The following TMEM135 variants were observed in gnomAD, a reference collection of about 807,000 sequenced individuals.
TMEM135 encodes peroxisomal membrane protein 52.
In TMEM135, 30 loss-of-function variants were observed where a neutral mutation model predicts 60.3. The observed-to-expected ratio is 0.50, with a 90% CI of 0.37 to 0.68. TMEM135 has a LOEUF of 0.68. TMEM135 is among the 30% of genes least tolerant of loss of function. The pLI is 0.00. For synonymous variants in TMEM135, 190 were observed against 186.7 expected, an observed-to-expected ratio of 1.02 and a Z score of -0.14; for missense variants, 468 against 548.8, an observed-to-expected ratio of 0.85 and a Z score of 1.47.
intron 4 of TMEM135, among the ~76,000 whole-genome samples, chr11:87,110,060 T>G (rs890390929): frequency 6.6e-6 from 1 of 152,142 alleles, no homozygotes; most frequent in Non-Finnish European, 1.5e-5. Context: ...TTGAGAGAAC[T>G]TGGTTGAAAT....
At chr11:87,288,604 AT>A (rs886920537) in intron 6 of TMEM135, among the ~76,000 whole-genome samples, 7 of 152,190 alleles carry the variant, frequency 4.6e-5, no homozygotes, top group African/African-American at 1.2e-4. Flanking sequence ...AACTAAAATG[AT>A]GAAATTTCAG....
chr11:87,196,276 CTTAAATATTTGA>C (rs1939954109), intron 5 of TMEM135, among the ~76,000 whole-genome samples: 1 of 152,002 alleles, frequency 6.6e-6, no homozygotes, highest in Non-Finnish European at 1.5e-5. Flanking sequence ...AAATTCTGAA[CTTAAATATTTGA>C]TTAAATATTG....
In TMEM135 at chr11:87,321,381, T is replaced by C. The variant is rs781664142; in HGVS notation, c.*48T>C. On this transcript the variant is annotated 3_prime_UTR_variant, in exon 15 of 15. Coordinates refer to ENST00000305494, the MANE Select transcript of TMEM135 (RefSeq NM_022918.4). ...TGACTAAATGTTTCATCTTGAAGAGTTAATTATGTTGAACACAAAGGAGGG... is the reference window on the plus strand; with the variant it reads ...TGACTAAATGTTTCATCTTGAAGAGCTAATTATGTTGAACACAAAGGAGGG... 3 of 1,606,932 alleles carry C rather than the reference T, an allele frequency of 1.9e-6. No individual in the cohort carries two copies. The highest frequency in any genetic ancestry group is 2.2e-5 in the South Asian group (2 of 90,944).
intron 4 of TMEM135, among the ~76,000 whole-genome samples, chr11:87,133,988 A>T (rs1214186817): frequency 1.3e-5 from 2 of 150,878 alleles, no homozygotes; most frequent in Non-Finnish European, 2.9e-5. Context: ...CAGAATTCAC[A>T]TACAAGTCAT....
intron 6 of TMEM135, among the ~76,000 whole-genome samples, chr11:87,283,529 T>C (rs1942107224): frequency 6.6e-6 from 1 of 152,198 alleles, no homozygotes; most frequent in Non-Finnish European, 1.5e-5. Context: ...ATTGCTATAT[T>C]ATTTTACTGA....
chr11:87,118,407 A>C (rs1173393061), intron 4 of TMEM135, among the ~76,000 whole-genome samples: 1 of 151,444 alleles, frequency 6.6e-6, no homozygotes, highest in Non-Finnish European at 1.5e-5. Context: ...AGCCACCTTC[A>C]TCAACAATCT....
chr11:87,169,699 G>T (rs1487573270), intron 5 of TMEM135, among the ~76,000 whole-genome samples: 1 of 152,066 alleles, frequency 6.6e-6, no homozygotes, highest in Non-Finnish European at 1.5e-5. Context: ...TCCCGTTGTG[G>T]GTAACCTGAC....
chr11:87,247,642 C>A (rs536202664), intron 6 of TMEM135, among the ~76,000 whole-genome samples: 3 of 152,172 alleles, frequency 2.0e-5, no homozygotes, highest in Admixed American at 6.5e-5. Context: ...ACTCCGTGGG[C>A]GTAGGACCCT....
At chr11:87,046,737 G>C (rs138802879) in intron 1 of TMEM135, among the ~76,000 whole-genome samples, 9 of 152,318 alleles carry the variant, frequency 5.9e-5, no homozygotes, top group Non-Finnish European at 7.3e-5. Context: ...AGTTTAGAAA[G>C]AGAAGACAAC....
intron 14 of TMEM135, among the ~76,000 whole-genome samples, chr11:87,320,517 T>C (rs1468140697): frequency 6.6e-6 from 1 of 152,178 alleles, no homozygotes; most frequent in Non-Finnish European, 1.5e-5. Context: ...TCAAAACTAA[T>C]TTCATTCAGC....
chr11:87,196,251 T>C (rs974692552), intron 5 of TMEM135, among the ~76,000 whole-genome samples: 1 of 152,208 alleles, frequency 6.6e-6, no homozygotes, highest in East Asian at 1.9e-4. Context: ...TCCTTTGCAA[T>C]GGTGAAATGT....
intron 6 of TMEM135, among the ~76,000 whole-genome samples, chr11:87,272,120 A>G (rs1371370216): frequency 1.5e-5 from 2 of 137,032 alleles, no homozygotes; most frequent in African/African-American, 5.6e-5. Flanking sequence ...GAGGTGAGAT[A>G]TCTGCTCACT....
chr11:87,238,914 T>C (rs544557682), intron 6 of TMEM135, among the ~76,000 whole-genome samples: 2 of 152,164 alleles, frequency 1.3e-5, no homozygotes, highest in African/African-American at 4.8e-5. Flanking sequence ...ATCTTTCCCA[T>C]TGTGGCACTT....
At chr11:87,155,447 A>AT (rs1229214500) in intron 4 of TMEM135, among the ~76,000 whole-genome samples, 4 of 152,078 alleles carry the variant, frequency 2.6e-5, no homozygotes, top group Non-Finnish European at 5.9e-5. Context: ...TTTTGAGTTG[A>AT]TTTTTGTATA....
intron 6 of TMEM135, among the ~76,000 whole-genome samples, chr11:87,282,879 A>G (rs1046565713): frequency 1.6e-4 from 25 of 152,136 alleles, no homozygotes; most frequent in African/African-American, 5.3e-4. Flanking sequence ...ATACCATTCT[A>G]TGGGCTAGCA....
At chr11:87,039,447 A>T (rs1328651020) in intron 1 of TMEM135, among the ~76,000 whole-genome samples, 1 of 152,174 alleles carries the variant, frequency 6.6e-6, no homozygotes, top group African/African-American at 2.4e-5. Context: ...AATAATAAAG[A>T]TCTAGAGTAG....
At chr11:87,078,791 T>TC (rs1442473420) in intron 3 of TMEM135, among the ~76,000 whole-genome samples, 1 of 100,254 alleles carries the variant, frequency 1.0e-5, no homozygotes, top group Non-Finnish European at 1.9e-5. Flanking sequence ...TTTTTGTATT[T>TC]CTTTTTTTTT....
At chr11:87,176,655 G>A (rs1412279800) in intron 5 of TMEM135, among the ~76,000 whole-genome samples, 8 of 152,110 alleles carry the variant, frequency 5.3e-5, no homozygotes, top group Non-Finnish European at 8.8e-5. Flanking sequence ...AAGTCCATGG[G>A]AAAGATTGTT....
intron 5 of TMEM135, among the ~76,000 whole-genome samples, chr11:87,162,874 C>T (rs962688862): frequency 5.9e-5 from 9 of 152,162 alleles, no homozygotes; most frequent in African/African-American, 2.2e-4. Context: ...ACATCCTCTC[C>T]AGCATCTGTT....
Sources: gnomAD v4.1 joint callset for allele counts (sites outside exome capture counted in the v4.1 genomes callset) on GRCh38, gnomAD v4.1.1 for gene constraint, MANE v1.5 for transcripts, NCBI Gene and HGNC (gene_info 2026-07-23, HGNC 2026-07-21) for gene names.